Variants in ARHGAP32 observed in about 807,000 individuals in gnomAD.
ARHGAP32 encodes Rho GTPase activating protein 32, also known as rho GTPase-activating protein 32.
Under a neutral mutation model 186.5 loss-of-function variants are expected in ARHGAP32, and 51 were observed. The observed-to-expected ratio is 0.27, with a 90% CI of 0.22 to 0.35. The LOEUF is 0.35. Among genes scored for constraint, ARHGAP32 ranks in the 10% least tolerant of loss-of-function variants. The pLI is 1.00. For synonymous variants in ARHGAP32, 950 were observed against 964.3 expected, an observed-to-expected ratio of 0.99 and a Z score of 0.27; for missense variants, 2,186 against 2,623.5, an observed-to-expected ratio of 0.83 and a Z score of 3.64.
rs1248571520 is a variant in ARHGAP32, at chr11:128,972,488, C to G, written c.4018G>C (p.Ala1340Pro). ...EQPPVVGQVQ[A>P]ATNIGLNNSH... Reference sequence around the variant, plus strand: ...TTATTTAATCCTATATTGGTTGCTGCTTGTACCTGCCCCACAACTGGTGGC... The same window carrying G: ...TTATTTAATCCTATATTGGTTGCTGGTTGTACCTGCCCCACAACTGGTGGC... Residue 1340 changes from alanine to proline, a missense_variant, in exon 22 of 23, where the codon GCA (alanine) becomes CCA (proline). Around this residue, in one of 5 missense-constraint regions of ARHGAP32, gnomAD observed 1,502 missense variants for 1,570.0 expected, o/e 0.96. Coordinates refer to ENST00000682385, the MANE Select transcript of ARHGAP32 (RefSeq NM_001378024.1). 6.5e-7 allele frequency: 1 copy of G among 1,526,926 alleles called. No individual in the cohort carries two copies. Among genetic ancestry groups the G allele is most frequent in the East Asian group, 2.3e-5 (1 of 44,162 alleles). 94.6% of individuals were successfully genotyped at this position (1,526,926 alleles called of 1,614,324 possible). A position where few individuals can be genotyped will look rare whatever the true frequency, so the allele number is the denominator to read the frequency against.
chr11:129,053,754 T>G (rs1334936560), intron 10 of ARHGAP32, among the ~76,000 whole-genome samples: 2 of 152,196 alleles, frequency 1.3e-5, no homozygotes, highest in Admixed American at 1.3e-4. Context: ...AGCAATTTAT[T>G]TCATTTGCAT....
chr11:129,019,540 TAA>T (rs2134882043), intron 11 of ARHGAP32, among the ~76,000 whole-genome samples: 1 of 152,302 alleles, frequency 6.6e-6, no homozygotes, highest in African/African-American at 2.4e-5. Flanking sequence ...TGTAATAACT[TAA>T]ATGTAATAAG....
chr11:129,131,297 C>T (rs969434611), intron 2 of ARHGAP32, among the ~76,000 whole-genome samples: 1 of 151,594 alleles, frequency 6.6e-6, no homozygotes, highest in African/African-American at 2.4e-5. Context: ...GTGTGTTAAA[C>T]TTCAATTAAA....
At chr11:129,131,184 T>A (rs1049323282) in intron 2 of ARHGAP32, among the ~76,000 whole-genome samples, 5 of 151,848 alleles carry the variant, frequency 3.3e-5, no homozygotes, top group Non-Finnish European at 5.9e-5. Context: ...CGAAAAAACC[T>A]TACCAAGAAC....
At chr11:128,992,929 A>G (rs372191757) in intron 12 of ARHGAP32, among the ~76,000 whole-genome samples, 21 of 152,374 alleles carry the variant, frequency 1.4e-4, no homozygotes, top group Non-Finnish European at 2.2e-4. Flanking sequence ...AATAACTGTG[A>G]TATAATGTTT....
Position 128,981,489 on chromosome 11 carries a change from A to C in ARHGAP32, c.1707T>G (p.Val569=), listed in dbSNP as rs766766497. ...CAACGTGATTCAGGATGAACTCAAC[A>C]ACCACAGACTGAATCCTCACTTCCA... ...AFMEVRIQSV[V]VEFILNHVDV... The change falls in exon 17 of 23, where the codon GTT becomes GTG. Residue 569 remains valine, a synonymous_variant. Transcript: ENST00000682385. 1.2e-6 allele frequency: 2 copies of C among 1,614,050 alleles called. No homozygotes were observed. The highest frequency in any genetic ancestry group is 1.7e-5 in the Admixed American group (1 of 60,002).
chr11:129,142,232 T>C (rs1452327505), intron 2 of ARHGAP32, among the ~76,000 whole-genome samples: 3 of 152,152 alleles, frequency 2.0e-5, no homozygotes, highest in African/African-American at 4.8e-5. Context: ...GTCTTCCACG[T>C]GTGCTTCCCA....
intron 2 of ARHGAP32, among the ~76,000 whole-genome samples, chr11:129,129,682 A>G (rs552660815): frequency 3.3e-5 from 5 of 152,290 alleles, no homozygotes; most frequent in South Asian, 4.1e-4. Context: ...AAAAATATAT[A>G]TATATATTTT....
At chr11:129,271,978 TAA>T (rs1945478840) in intron 1 of ARHGAP32, among the ~76,000 whole-genome samples, 1 of 152,092 alleles carries the variant, frequency 6.6e-6, no homozygotes, top group African/African-American at 2.4e-5. Flanking sequence ...ACTGAAATGG[TAA>T]AGACTTGGGG....
intron 1 of ARHGAP32, among the ~76,000 whole-genome samples, chr11:129,184,570 T>C (rs1944120698): frequency 6.6e-6 from 1 of 151,632 alleles, no homozygotes; most frequent in Admixed American, 6.6e-5. Context: ...AAGTAAAATG[T>C]AAAAAGAAAT....
At chr11:128,973,479 G>C (rs376304870) in intron 21 of ARHGAP32, 47 bp from the exon 22 acceptor site, 13 of 1,593,126 alleles carry the variant, frequency 8.2e-6, no homozygotes, top group Non-Finnish European at 9.4e-6. Flanking sequence ...GGTAGCTTAC[G>C]TTATCCTAAA....
rs533085240 is a variant in ARHGAP32, at chr11:129,123,750, A to G, written c.359+138T>C. On this transcript the variant is annotated intron_variant, in intron 4 of 22. Coordinates refer to ENST00000682385, the MANE Select transcript of ARHGAP32 (RefSeq NM_001378024.1). This position sits in a 1 kb window ranked among gnomAD's most constrained non-coding sequence, Gnocchi z 4.6. Reference sequence around the variant, plus strand: ...GATCAAAACCCAAAATAAAAAAAGCATCACCGTTATCTCCTAATTTTGACC... The same window carrying G: ...GATCAAAACCCAAAATAAAAAAAGCGTCACCGTTATCTCCTAATTTTGACC... 2.7e-6 allele frequency: 2 copies of G among 746,676 alleles called. No homozygotes were observed. Among genetic ancestry groups the G allele is most frequent in the East Asian group, 3.2e-5 (1 of 31,442 alleles). The allele number at this position is 746,676 out of a possible 1,614,324, so 46.3% of individuals were successfully genotyped here.
intron 6 of ARHGAP32, among the ~76,000 whole-genome samples, chr11:129,070,748 A>T (rs923354182): frequency 6.6e-6 from 1 of 152,030 alleles, no homozygotes; most frequent in African/African-American, 2.4e-5. Flanking sequence ...ATTCCTAAAA[A>T]TTGACACGTT....
At chr11:128,981,157 A>G (rs1945695644) in intron 17 of ARHGAP32, among the ~76,000 whole-genome samples, 1 of 152,200 alleles carries the variant, frequency 6.6e-6, no homozygotes, top group South Asian at 2.1e-4. Flanking sequence ...GTTCCACTTT[A>G]TACTTTAATA....
chr11:129,155,213 C>T (rs1943373243), intron 2 of ARHGAP32, among the ~76,000 whole-genome samples: 1 of 152,206 alleles, frequency 6.6e-6, no homozygotes, highest in Non-Finnish European at 1.5e-5. Flanking sequence ...ACGTGGCACA[C>T]TATACAGTAT....
intron 1 of ARHGAP32, among the ~76,000 whole-genome samples, chr11:129,214,223 AG>A (rs1388498457): frequency 1.3e-5 from 2 of 152,202 alleles, no homozygotes; most frequent in African/African-American, 2.4e-5. Flanking sequence ...AAAAGTATGA[AG>A]AAACTAAAGA....
At chr11:129,036,380 CAAAAAAAA>C (rs58678377) in intron 11 of ARHGAP32, among the ~76,000 whole-genome samples, 16 of 98,684 alleles carry the variant, frequency 1.6e-4, no homozygotes, top group South Asian at 5.0e-4. Context: ...AACTCCGTCT[CAAAAAAAA>C]AAAAAAAAAA....
intron 5 of ARHGAP32, among the ~76,000 whole-genome samples, chr11:129,099,332 G>T (rs1298771030): frequency 6.6e-6 from 1 of 152,150 alleles, no homozygotes; most frequent in Non-Finnish European, 1.5e-5. Flanking sequence ...GCTTACCATT[G>T]TGTTACAACT....
In ARHGAP32 at chr11:128,979,898, A is replaced by G. The variant is rs1304054637; in HGVS notation, c.1976+655T>C. Among the ~76,000 whole-genome samples, 3 of 152,350 alleles carry G rather than the reference A, an allele frequency of 2.0e-5. No individual in the cohort carries two copies. In the East Asian group the frequency reaches 5.8e-4, roughly 29 times the overall value. ...GAAACCATGTTATTATCATTTCTTT[A>G]GAGTAATAGAATTTCAGAGCTGGAA... On this transcript the variant is annotated intron_variant, in intron 18 of 22. Transcript: ENST00000682385.
Sources: allele counts gnomAD v4.1 joint callset (sites outside exome capture counted in the v4.1 genomes callset), GRCh38; gene constraint gnomAD v4.1.1; regional missense constraint gnomAD v4.1.1; non-coding constraint Gnocchi (gnomAD v3.1); transcripts MANE v1.5; gene names NCBI Gene and HGNC (gene_info 2026-07-23, HGNC 2026-07-21).